The following CPE variants were observed in gnomAD, a reference collection of about 807,000 sequenced individuals.
The protein encoded by CPE is carbocypeptidase E.
Under a neutral mutation model 53.5 loss-of-function variants are expected in CPE, and 17 were observed. That is an observed-to-expected ratio of 0.32 (90% CI 0.22 to 0.48). CPE has a LOEUF of 0.48. Ranked by LOEUF, CPE falls within the 20% of genes least tolerant of loss-of-function variation. CPE has a pLI of 0.99. For missense variants in CPE, 524 were observed against 614.7 expected (o/e 0.85, Z 1.56); for synonymous variants, 226 against 228.8 (o/e 0.99, Z 0.11).
intron 1 of CPE, among the ~76,000 whole-genome samples, chr4:165,441,125 G>T (rs1731602762): frequency 6.6e-6 from 1 of 152,050 alleles, no homozygotes; most frequent in Admixed American, 6.6e-5. Context: ...CACATGTTTG[G>T]GTTTGCTCAG....
chr4:165,498,483 T>C lies in CPE; in HGVS notation c.*873T>C, dbSNP rs765926136. Among the ~76,000 whole-genome samples, 24 of 152,204 alleles carry C rather than the reference T, an allele frequency of 1.6e-4. No homozygotes were observed. The highest frequency in any genetic ancestry group is 3.2e-3 in the Middle Eastern group (1 of 316). ...AAGCACTGCATAGCCTCTATGTATG[T>C]TATTGTGGCAGGCAAAAGGTTCTGA... On this transcript the variant is annotated 3_prime_UTR_variant, in exon 9 of 9. Transcript: ENST00000402744.
intron 5 of CPE, among the ~76,000 whole-genome samples, chr4:165,485,432 C>T (rs1732491713): frequency 6.6e-6 from 1 of 152,034 alleles, no homozygotes; most frequent in Non-Finnish European, 1.5e-5. Context: ...GAATTATGTG[C>T]TGAGAAAAAT....
chr4:165,470,525 T>C (rs991036669), intron 3 of CPE, among the ~76,000 whole-genome samples: 1 of 152,192 alleles, frequency 6.6e-6, no homozygotes, highest in African/African-American at 2.4e-5. Flanking sequence ...TGCCGTCTTA[T>C]CAGGAAGCCG....
chr4:165,405,414 C>T (rs779179073), intron 1 of CPE: 6 of 929,018 alleles, frequency 6.5e-6, no homozygotes, highest in East Asian at 4.8e-5. Context: ...TAACCAGCAT[C>T]GCTCCCTTGC....
intron 1 of CPE, among the ~76,000 whole-genome samples, chr4:165,397,760 G>A (rs1730792843): frequency 6.6e-6 from 1 of 151,856 alleles, no homozygotes; most frequent in African/African-American, 2.4e-5. Flanking sequence ...CAAGCTTTTG[G>A]CCAGGCATAG....
chr4:165,407,841 C>T (rs1159892676), intron 1 of CPE, among the ~76,000 whole-genome samples: 1 of 151,402 alleles, frequency 6.6e-6, no homozygotes, highest in African/African-American at 2.4e-5. Context: ...TAGGCATGAG[C>T]CACCGCGCCC....
Position 165,437,577 on chromosome 4 carries a change from C to G in CPE, c.308-26813C>G, listed in dbSNP as rs199540340. Among the ~76,000 whole-genome samples, 3 of 152,122 alleles carry G rather than the reference C, an allele frequency of 2.0e-5. No individual in the cohort carries two copies. In the East Asian group the frequency reaches 5.8e-4, roughly 29 times the overall value. The stretch of plus-strand genomic sequence containing the variant: ...ATGAAGAGGGAAGGCACAGTTGTGG[C>G]TCTTGAGATCATTATATCTAATGAC... On this transcript the variant is annotated intron_variant, in intron 1 of 8. Coordinates refer to ENST00000402744, the MANE Select transcript of CPE (RefSeq NM_001873.4).
At chr4:165,427,354 T>C (rs1230243261) in intron 1 of CPE, among the ~76,000 whole-genome samples, 2 of 151,378 alleles carry the variant, frequency 1.3e-5, no homozygotes, top group African/African-American at 4.9e-5. Context: ...CCTGTGCATA[T>C]GTCTTTGTAT....
Position 165,394,058 on chromosome 4 carries a change from A to G in CPE, c.307+14530A>G, listed in dbSNP as rs141135827. 3.9e-3 allele frequency among the ~76,000 whole-genome samples: 587 copies of G among 152,242 alleles called. 7 individuals are homozygous for G. The highest frequency in any genetic ancestry group is 0.011 in the African/African-American group (463 of 41,540). On this transcript the variant is annotated intron_variant, in intron 1 of 8. Coordinates refer to ENST00000402744, the MANE Select transcript of CPE (RefSeq NM_001873.4). ...GAGGGTATGTAGAGAGTCAGAGGGT[A>G]TGTAGAGAGTCAGAGAGAGAGAAGA...
intron 1 of CPE, among the ~76,000 whole-genome samples, chr4:165,385,409 T>A: frequency 8.2e-6 from 1 of 122,282 alleles, no homozygotes; most frequent in Non-Finnish European, 1.6e-5. Flanking sequence ...TTTTTCCCTC[T>A]TCTTACTGTT....
chr4:165,454,300 G>T (rs1266975311), intron 1 of CPE, among the ~76,000 whole-genome samples: 5 of 152,056 alleles, frequency 3.3e-5, no homozygotes, highest in African/African-American at 1.2e-4. Context: ...TCTACTGCGT[G>T]GCCTACTCCT....
At chr4:165,416,460 C>T (rs1731124720) in intron 1 of CPE, among the ~76,000 whole-genome samples, 1 of 152,104 alleles carries the variant, frequency 6.6e-6, no homozygotes, top group South Asian at 2.1e-4. Context: ...GAGGCACTTA[C>T]ACAAAAGGGT....
At chr4:165,460,472 A>G (rs1275477896) in intron 1 of CPE, among the ~76,000 whole-genome samples, 2 of 152,166 alleles carry the variant, frequency 1.3e-5, no homozygotes, top group Non-Finnish European at 2.9e-5. Context: ...CTTCATTCCC[A>G]AAGAAGAGTT....
chr4:165,480,738 C>T (rs901089201), intron 3 of CPE, among the ~76,000 whole-genome samples: 2 of 151,966 alleles, frequency 1.3e-5, no homozygotes, highest in Non-Finnish European at 2.9e-5. Flanking sequence ...ACATTGGCTG[C>T]CACTCAGCCA....
In CPE at chr4:165,405,088, G is replaced by A. The variant is rs1730931172; in HGVS notation, c.307+25560G>A. The A allele has an allele frequency of 1.1e-5, 8 of 731,464 alleles. No individual in the cohort carries two copies. In the South Asian group the frequency reaches 1.2e-4, roughly 11 times the overall value. 45.3% of individuals were successfully genotyped at this position (731,464 alleles called of 1,614,324 possible). A position where few individuals can be genotyped will look rare whatever the true frequency, so the allele number is the denominator to read the frequency against. On this transcript the variant is annotated intron_variant, in intron 1 of 8. Transcript: ENST00000402744. ...CAAGCTTCCCAGTCAAGTTGCTGAA[G>A]ATGGAATCCCTTTCAAATGACGTTA...
chr4:165,491,180 C>T (rs1262757145), intron 6 of CPE, among the ~76,000 whole-genome samples: 1 of 152,126 alleles, frequency 6.6e-6, no homozygotes, highest in Non-Finnish European at 1.5e-5. Flanking sequence ...ATTGCAGAAG[C>T]AGAAAAAAGT....
chr4:165,494,620 TG>T (rs1732670992), intron 7 of CPE, among the ~76,000 whole-genome samples: 1 of 152,122 alleles, frequency 6.6e-6, no homozygotes, highest in South Asian at 2.1e-4. Flanking sequence ...GAGTGAATGG[TG>T]GGATCCTGAT....
chr4:165,428,654 GC>G (rs150514239), intron 1 of CPE, among the ~76,000 whole-genome samples: 1 of 152,016 alleles, frequency 6.6e-6, no homozygotes, highest in Non-Finnish European at 1.5e-5. Context: ...AGTTGTCAGG[GC>G]TGCTGTTCCA....
intron 1 of CPE, among the ~76,000 whole-genome samples, chr4:165,414,691 A>G (rs1441131302): frequency 7.4e-6 from 1 of 135,562 alleles, no homozygotes; most frequent in Non-Finnish European, 1.6e-5. Context: ...AGTAATATAT[A>G]TATATACACA....
Sources: gnomAD v4.1 joint callset for allele counts (sites outside exome capture counted in the v4.1 genomes callset) on GRCh38, gnomAD v4.1.1 for gene constraint, MANE v1.5 for transcripts, NCBI Gene and HGNC (gene_info 2026-07-23, HGNC 2026-07-21) for gene names.